The following ZBTB20 variants were observed in gnomAD, a reference collection of about 807,000 sequenced individuals.
ZBTB20 encodes the protein zinc finger and BTB domain-containing protein 20.
ZBTB20 carries 9 observed loss-of-function variants against 56.9 expected under a neutral mutation model. That is an observed-to-expected ratio of 0.16 (90% confidence interval 0.10 to 0.28). The LOEUF is 0.28. Among genes scored for constraint, ZBTB20 ranks in the 10% least tolerant of loss-of-function variants. ZBTB20 has a pLI of 1.00. For synonymous variants in ZBTB20, 417 were observed against 420.7 expected (o/e 0.99, Z 0.11); for missense variants, 655 against 1,003.0 (o/e 0.65, Z 4.69).
chr3:114,495,820 C>T (rs911363332), intron 7 of ZBTB20, among the ~76,000 whole-genome samples: 1 of 152,110 alleles, frequency 6.6e-6, no homozygotes, highest in African/African-American at 2.4e-5. Flanking sequence ...TTTATTCAAC[C>T]TAAATGCATA....
Position 115,121,807 on chromosome 3 carries a change from A to G in ZBTB20, c.-703+25412T>C, listed in dbSNP as rs184646164. On this transcript the variant is annotated intron_variant, in intron 1 of 11. Coordinates refer to ENST00000675478, the MANE Select transcript of ZBTB20 (RefSeq NM_001348800.3). ...AGCACCTATAGGAAGAAAAGTTTGC[A>G]CTATTCATAAAATTTCAATATAACC... Among the ~76,000 whole-genome samples, 446 of 152,170 alleles carry G rather than the reference A, an allele frequency of 2.9e-3. 2 individuals are homozygous for G. Among genetic ancestry groups the G allele is most frequent in the African/African-American group, 0.011 (438 of 41,570 alleles).
chr3:114,828,277 C>A (rs1236983483), intron 4 of ZBTB20, among the ~76,000 whole-genome samples: 1 of 151,568 alleles, frequency 6.6e-6, no homozygotes, highest in Non-Finnish European at 1.5e-5. Context: ...CCCTTTATTG[C>A]ACATACATAT....
intron 7 of ZBTB20, among the ~76,000 whole-genome samples, chr3:114,448,711 G>A (rs1468108794): frequency 1.3e-5 from 2 of 152,114 alleles, no homozygotes; most frequent in Admixed American, 6.6e-5. Context: ...AAATTCAGCA[G>A]CATATAAGAC....
intron 1 of ZBTB20, among the ~76,000 whole-genome samples, chr3:115,135,620 A>G (rs1412634461): frequency 1.3e-5 from 2 of 152,162 alleles, no homozygotes; most frequent in Non-Finnish European, 2.9e-5. Flanking sequence ...ACTTTAGCCA[A>G]TCAAGTCTGC....
chr3:114,460,874 C>T (rs2092298391), intron 7 of ZBTB20, among the ~76,000 whole-genome samples: 1 of 152,148 alleles, frequency 6.6e-6, no homozygotes, highest in Admixed American at 6.5e-5. Flanking sequence ...GCTTGTGATA[C>T]AAGAACCCTT....
chr3:115,041,700 T>C (rs554566453), intron 2 of ZBTB20, among the ~76,000 whole-genome samples: 132 of 152,262 alleles, frequency 8.7e-4, no homozygotes, highest in Non-Finnish European at 1.8e-3. Context: ...GTTAACAAGA[T>C]GATTAGTAAG....
intron 4 of ZBTB20, among the ~76,000 whole-genome samples, chr3:114,899,542 G>C (rs1306983029): frequency 6.6e-6 from 1 of 151,954 alleles, no homozygotes; most frequent in Non-Finnish European, 1.5e-5. Context: ...AAAAATATTT[G>C]AGTCATAAAA....
intron 2 of ZBTB20, among the ~76,000 whole-genome samples, chr3:115,070,334 T>TTG (rs753858990): frequency 4.1e-4 from 63 of 152,274 alleles, no homozygotes; most frequent in Non-Finnish European, 7.9e-4. Flanking sequence ...ATTTTTGAAC[T>TTG]CATATTTTAT....
chr3:114,737,795 C>T (rs1053446871), intron 5 of ZBTB20, among the ~76,000 whole-genome samples: 2 of 152,072 alleles, frequency 1.3e-5, no homozygotes, highest in African/African-American at 4.8e-5. Flanking sequence ...ATCATCTTCC[C>T]TTTTTGAGGT....
At chr3:114,548,379 T>G (rs371289030) in intron 6 of ZBTB20, among the ~76,000 whole-genome samples, 2 of 152,192 alleles carry the variant, frequency 1.3e-5, no homozygotes, top group African/African-American at 4.8e-5. Context: ...ATTTCTCTCA[T>G]GCAACTTCTG....
In ZBTB20 at chr3:114,720,227, A is replaced by G. The variant is rs1301975741; in HGVS notation, c.-342-26652T>C. 2.7e-5 allele frequency among the ~76,000 whole-genome samples: 4 copies of G among 149,452 alleles called. No individual in the cohort carries two copies. The East Asian group carries it at 7.8e-4, about 29-fold the overall frequency. Reference sequence around the variant, plus strand: ...ATGCTTATTGGAAAAGTACAAGTACAAGGTGTAGTCTCTATTATCTAAATA... The same window carrying G: ...ATGCTTATTGGAAAAGTACAAGTACGAGGTGTAGTCTCTATTATCTAAATA... On this transcript the variant is annotated intron_variant, in intron 5 of 11. Transcript: ENST00000675478.
intron 3 of ZBTB20, among the ~76,000 whole-genome samples, chr3:114,924,974 G>GTTC (rs1445751810): frequency 7.2e-5 from 10 of 138,526 alleles, no homozygotes; most frequent in Non-Finnish European, 9.4e-5. Context: ...TTCCCATTTG[G>GTTC]TTCTTCTTTT....
chr3:114,977,930 A>G (rs916665993), intron 2 of ZBTB20, among the ~76,000 whole-genome samples: 3 of 150,414 alleles, frequency 2.0e-5, no homozygotes, highest in African/African-American at 7.3e-5. Context: ...GGATCACCTG[A>G]GCCTGGAGAG....
chr3:114,352,118 C>T (rs1010826845), intron 10 of ZBTB20, among the ~76,000 whole-genome samples: 5 of 152,194 alleles, frequency 3.3e-5, no homozygotes, highest in Non-Finnish European at 7.3e-5. Flanking sequence ...TTTGGGTATC[C>T]ATATTAACTC....
chr3:114,824,386 G>A (rs913763332), intron 4 of ZBTB20, among the ~76,000 whole-genome samples: 1 of 151,854 alleles, frequency 6.6e-6, no homozygotes, highest in Admixed American at 6.6e-5. Flanking sequence ...CTAAGACAGA[G>A]TTTGACAGTA....
intron 4 of ZBTB20, among the ~76,000 whole-genome samples, chr3:114,816,934 T>C (rs1035776474): frequency 6.6e-6 from 1 of 152,182 alleles, no homozygotes; most frequent in African/African-American, 2.4e-5. Flanking sequence ...TGCATGACAT[T>C]TGTCTATCCA....
intron 6 of ZBTB20, among the ~76,000 whole-genome samples, chr3:114,577,482 A>G (rs2054205553): frequency 6.6e-6 from 1 of 152,246 alleles, no homozygotes; most frequent in African/African-American, 2.4e-5. Flanking sequence ...ATAAAATGTG[A>G]AAATCACAGA....
At chr3:114,781,801 A>G (rs764034449) in intron 5 of ZBTB20, among the ~76,000 whole-genome samples, 2 of 152,142 alleles carry the variant, frequency 1.3e-5, no homozygotes, top group Non-Finnish European at 2.9e-5. Context: ...AATAAGTCTC[A>G]TGAGATCTGG....
At position 114,962,533 on chromosome 3, in the gene ZBTB20, T is replaced by C. The variant is rs181083866; in HGVS notation, c.-456+11833A>G. Among the ~76,000 whole-genome samples the C allele has an allele frequency of 2.4e-3, 358 of 152,292 alleles. 2 individuals are homozygous for C. The highest frequency in any genetic ancestry group is 8.5e-3 in the African/African-American group (352 of 41,590). On this transcript the variant is annotated intron_variant, in intron 3 of 11. Transcript: ENST00000675478. Reference sequence around the variant, plus strand: ...CTTTTCTCTTTAAATTCTTATCTCCTAGATCCTGGTATTCCCCCTTGGGGC... The same window carrying C: ...CTTTTCTCTTTAAATTCTTATCTCCCAGATCCTGGTATTCCCCCTTGGGGC...
Sources: gnomAD v4.1 joint callset for allele counts (sites outside exome capture counted in the v4.1 genomes callset) on GRCh38, gnomAD v4.1.1 for gene constraint, MANE v1.5 for transcripts, NCBI Gene and HGNC (gene_info 2026-07-23, HGNC 2026-07-21) for gene names.